The following DACH2 variants were observed in gnomAD, a reference collection of about 807,000 sequenced individuals.
DACH2 encodes the protein dachshund family transcription factor 2, also known as dachshund homolog 2.
In DACH2, 17 loss-of-function variants were observed where a neutral mutation model predicts 35.8. The ratio of observed to expected loss-of-function variants is 0.48; its 90% confidence interval spans 0.33 to 0.71. The LOEUF is 0.71. DACH2 is among the 30% of genes least tolerant of loss of function. The probability of loss-of-function intolerance (pLI) is 0.02; values close to 1 mark genes in which losing one functional copy is unlikely to be tolerated. For missense variants in DACH2, 469 were observed against 472.7 expected (o/e 0.99, Z 0.07); for synonymous variants, 195 against 177.3 (o/e 1.10, Z -0.79).
chrX:86,759,778 T>C (rs1047766324), intron 7 of DACH2, among the ~76,000 whole-genome samples: 1 of 111,346 alleles, frequency 9.0e-6, no homozygotes, highest in Admixed American at 9.6e-5. Context: ...TTTGAGTGTT[T>C]TCCTTGCTTT....
chrX:86,410,432 A>G (rs982002811), intron 2 of DACH2, among the ~76,000 whole-genome samples: 2 of 111,778 alleles, frequency 1.8e-5, no homozygotes, highest in Admixed American at 1.9e-4. Flanking sequence ...TGCCTAATAT[A>G]TTAATATTTT....
intron 4 of DACH2, among the ~76,000 whole-genome samples, chrX:86,655,626 T>C (rs769841665): frequency 4.5e-5 from 5 of 111,205 alleles, no homozygotes; most frequent in African/African-American, 1.6e-4. Flanking sequence ...GGCTCCACAA[T>C]GTACAATATT....
At chrX:86,438,381 G>A (rs985303642) in intron 2 of DACH2, among the ~76,000 whole-genome samples, 16 of 109,541 alleles carry the variant, frequency 1.5e-4, no homozygotes, top group African/African-American at 5.3e-4. Flanking sequence ...CTGCCATCAC[G>A]CCCGGCTAAT....
intron 1 of DACH2, among the ~76,000 whole-genome samples, chrX:86,307,370 A>G (rs1028295458): frequency 8.9e-6 from 1 of 111,992 alleles, no homozygotes; most frequent in African/African-American, 3.2e-5. Context: ...CCAGGTGTCT[A>G]CTGTTAAAGT....
At chrX:86,452,832 A>G (rs2148199104) in intron 2 of DACH2, among the ~76,000 whole-genome samples, 1 of 110,562 alleles carries the variant, frequency 9.0e-6, no homozygotes, top group South Asian at 3.8e-4. Flanking sequence ...TTCAGCTCCG[A>G]TCTTGGTTAT....
At chrX:86,505,066 AGT>A (rs751687004) in intron 2 of DACH2, among the ~76,000 whole-genome samples, 2 of 112,049 alleles carry the variant, frequency 1.8e-5, no homozygotes, top group East Asian at 5.6e-4. Context: ...GTGCAAATTA[AGT>A]GTGTGTTATA....
chrX:86,556,504 A>G (rs2039120453), intron 3 of DACH2, among the ~76,000 whole-genome samples: 1 of 109,174 alleles, frequency 9.2e-6, no homozygotes, highest in South Asian at 4.0e-4. Flanking sequence ...AATATTGGCC[A>G]AAAGAAAGGC....
At position 86,455,489 on chromosome X, in the gene DACH2, G is replaced by T. The variant is rs917964758; in HGVS notation, c.528-58790G>T. ...TCATATAATCCTTGCTGGAGTGGTTGAAGCCCCCTCAGAGGGTCCCAGACC... is the reference window on the plus strand; with the variant it reads ...TCATATAATCCTTGCTGGAGTGGTTTAAGCCCCCTCAGAGGGTCCCAGACC... On this transcript the variant is annotated intron_variant, in intron 2 of 11. Transcript: ENST00000373125. Among the ~76,000 whole-genome samples the T allele has an allele frequency of 6.3e-4, 70 of 111,912 alleles. 1 individual carries two copies. Among genetic ancestry groups the T allele is most frequent in the Non-Finnish European group, 1.1e-4 (6 of 53,111 alleles).
At chrX:86,293,924 G>A (rs1447931330) in intron 1 of DACH2, among the ~76,000 whole-genome samples, 2 of 110,912 alleles carry the variant, frequency 1.8e-5, no homozygotes, top group African/African-American at 6.6e-5. Context: ...TTCTCGAGGA[G>A]TATCTTTGTG....
intron 7 of DACH2, among the ~76,000 whole-genome samples, chrX:86,773,564 T>G (rs934125622): frequency 1.2e-4 from 14 of 112,387 alleles, no homozygotes. Flanking sequence ...ATTTTTACAA[T>G]TTTATAATTT....
At chrX:86,358,431 C>CCACACACACACA (rs752012562) in intron 1 of DACH2, among the ~76,000 whole-genome samples, 1 of 87,538 alleles carries the variant, frequency 1.1e-5, no homozygotes, top group South Asian at 7.0e-4. Context: ...CCCAGCCCCG[C>CCACACACACACA]CACACACACA....
At chrX:86,541,699 A>G (rs1206617073) in intron 3 of DACH2, among the ~76,000 whole-genome samples, 1 of 111,847 alleles carries the variant, frequency 8.9e-6, no homozygotes, top group Non-Finnish European at 1.9e-5. Flanking sequence ...AACATTTACT[A>G]AACACACTAT....
intron 2 of DACH2, among the ~76,000 whole-genome samples, chrX:86,410,532 G>C (rs946765298): frequency 8.1e-5 from 9 of 111,324 alleles, no homozygotes. Context: ...CACTCTGGGG[G>C]TACAGGGGAA....
chrX:86,643,511 C>T (rs1299448140), intron 3 of DACH2, among the ~76,000 whole-genome samples: 2 of 111,132 alleles, frequency 1.8e-5, no homozygotes, highest in Admixed American at 9.6e-5. Context: ...GATGGAATCA[C>T]AGCCACATTC....
At chrX:86,714,054 A>G (rs890499827) in intron 5 of DACH2, among the ~76,000 whole-genome samples, 1 of 111,872 alleles carries the variant, frequency 8.9e-6, no homozygotes, top group Non-Finnish European at 1.9e-5. Context: ...CTAAAAGGGT[A>G]TAACATACTC....
At chrX:86,652,154 A>G (rs2040485119) in intron 4 of DACH2, among the ~76,000 whole-genome samples, 1 of 110,592 alleles carries the variant, frequency 9.0e-6, no homozygotes, top group African/African-American at 3.3e-5. Flanking sequence ...TTCTGTTCAT[A>G]TGTTCTCATC....
At chrX:86,211,174 CTATTT>C (rs2032436555) in intron 1 of DACH2, among the ~76,000 whole-genome samples, 1 of 111,467 alleles carries the variant, frequency 9.0e-6, no homozygotes, top group South Asian at 3.7e-4. Flanking sequence ...CAAACAGAAA[CTATTT>C]TATCTGTACT....
chrX:86,421,131 A>G (rs2036795528), intron 2 of DACH2, among the ~76,000 whole-genome samples: 1 of 111,846 alleles, frequency 8.9e-6, no homozygotes, highest in Non-Finnish European at 1.9e-5. Flanking sequence ...GATTTTCAGA[A>G]TAAGTAAATT....
intron 3 of DACH2, among the ~76,000 whole-genome samples, chrX:86,566,920 G>C (rs138701568): frequency 8.9e-6 from 1 of 111,812 alleles, no homozygotes; most frequent in East Asian, 2.8e-4. Flanking sequence ...TAGAGCCCAG[G>C]TTGCCTGAAT....
Sources: allele counts gnomAD v4.1 joint callset (sites outside exome capture counted in the v4.1 genomes callset), GRCh38; gene constraint gnomAD v4.1.1; transcripts MANE v1.5; gene names NCBI Gene and HGNC (gene_info 2026-07-23, HGNC 2026-07-21).